The following FOCAD variants were observed in gnomAD, a reference collection of about 807,000 sequenced individuals.
FOCAD encodes the protein focadhesin.
A neutral mutation model predicts 225.6 loss-of-function variants in FOCAD; 198 were observed. That is an observed-to-expected ratio of 0.88 (90% CI 0.78 to 0.99). The LOEUF (loss-of-function observed/expected upper bound fraction) is 0.99. Among genes scored for constraint, FOCAD ranks in the 50% least tolerant of loss-of-function variants. FOCAD has a pLI of 0.00. For missense variants in FOCAD, 2,713 were observed against 2,123.6 expected (o/e 1.28, Z -5.46); for synonymous variants, 897 against 755.0 (o/e 1.19, Z -3.08).
chr9:20,759,444 A>G (rs1017117811), intron 6 of FOCAD, among the ~76,000 whole-genome samples: 8 of 152,216 alleles, frequency 5.3e-5, no homozygotes, highest in African/African-American at 1.7e-4. Flanking sequence ...CAAACCTGAG[A>G]AAAACAAGCA....
intron 1 of FOCAD, among the ~76,000 whole-genome samples, chr9:20,711,080 A>G (rs1307623842): frequency 6.6e-6 from 1 of 152,236 alleles, no homozygotes; most frequent in Non-Finnish European, 1.5e-5. Context: ...AAATAGTTAC[A>G]TGTGCCTCAG....
At chr9:20,835,258 C>G (rs936589948) in intron 15 of FOCAD, among the ~76,000 whole-genome samples, 1 of 151,950 alleles carries the variant, frequency 6.6e-6, no homozygotes, top group Non-Finnish European at 1.5e-5. Context: ...CTGTATTAAA[C>G]TTCATAATAA....
chr9:20,869,465 C>G (rs1358515004), intron 18 of FOCAD, among the ~76,000 whole-genome samples: 1 of 152,052 alleles, frequency 6.6e-6, no homozygotes, highest in African/African-American at 2.4e-5. Context: ...TGCTGAACAT[C>G]AATTTATGTT....
At chr9:20,743,549 C>G (rs556542692) in intron 5 of FOCAD, among the ~76,000 whole-genome samples, 31 of 152,144 alleles carry the variant, frequency 2.0e-4, no homozygotes, top group Admixed American at 1.8e-3. Flanking sequence ...TTCCCTTAGC[C>G]CCTCTGAATT....
chr9:20,979,457 G>C (rs1840495592), intron 37 of FOCAD, among the ~76,000 whole-genome samples: 1 of 152,174 alleles, frequency 6.6e-6, no homozygotes, highest in South Asian at 2.1e-4. Context: ...TCATGCCTCA[G>C]CCTCTCAAGT....
intron 8 of FOCAD, among the ~76,000 whole-genome samples, chr9:20,778,089 C>CAAAAAAAA (rs1184354592): frequency 0.011 from 915 of 84,158 alleles, 43 homozygotes; most frequent in Non-Finnish European, 0.018. Flanking sequence ...GACTCCGTCT[C>CAAAAAAAA]AAAAAAAAAA....
At chr9:20,960,861 G>T (rs1046113295) in intron 35 of FOCAD, among the ~76,000 whole-genome samples, 1 of 151,384 alleles carries the variant, frequency 6.6e-6, no homozygotes, top group African/African-American at 2.4e-5. Flanking sequence ...TTTTGTTCTC[G>T]TGATAGTTTG....
intron 21 of FOCAD, among the ~76,000 whole-genome samples, chr9:20,903,595 G>A (rs936106263): frequency 2.0e-5 from 3 of 151,912 alleles, no homozygotes; most frequent in Non-Finnish European, 2.9e-5. Flanking sequence ...CTGGGTCCCC[G>A]TTAATTCACT....
At chr9:20,673,299 G>C (rs1226198801) in intron 2 of FOCAD, among the ~76,000 whole-genome samples, 1 of 152,144 alleles carries the variant, frequency 6.6e-6, no homozygotes, top group Non-Finnish European at 1.5e-5. Context: ...GATTGGAATT[G>C]CTAGGTCATA....
intron 10 of FOCAD, among the ~76,000 whole-genome samples, chr9:20,788,348 G>C (rs1820157939): frequency 1.3e-5 from 2 of 152,050 alleles, no homozygotes; most frequent in South Asian, 2.1e-4. Context: ...ATTTTTGTTT[G>C]GGTTGATGAA....
At chr9:20,981,060 CT>C (rs2132624748) in intron 37 of FOCAD, among the ~76,000 whole-genome samples, 2 of 152,276 alleles carry the variant, frequency 1.3e-5, no homozygotes, top group South Asian at 4.1e-4. Flanking sequence ...CAGAGCTTTT[CT>C]TGCCAGAGAA....
rs180965131 is a variant in FOCAD at position 20,760,921 on chromosome 9, G to A, written c.494+2730G>A. ...TATGAGTAGCGATTCACAACTATGG[G>A]AAGAAAGCAAAATGTTGTAAGGATA... is the stretch of plus-strand genomic sequence containing the variant. On this transcript the variant is annotated intron_variant, in intron 6 of 43. Transcript: ENST00000338382. Among the ~76,000 whole-genome samples, 597 of 152,098 alleles carry A rather than the reference G, an allele frequency of 3.9e-3. 2 individuals carry two copies. Among genetic ancestry groups the A allele is most frequent in the African/African-American group, 0.014 (565 of 41,476 alleles).
chr9:20,943,533 CCTT>C (rs1490103442), intron 28 of FOCAD, among the ~76,000 whole-genome samples: 1 of 152,098 alleles, frequency 6.6e-6, no homozygotes, highest in Admixed American at 6.5e-5. Flanking sequence ...GCCTGTCTAT[CCTT>C]CTGGGTATCT....
At chr9:20,794,838 C>G (rs189512993) in intron 11 of FOCAD, among the ~76,000 whole-genome samples, 53 of 151,996 alleles carry the variant, frequency 3.5e-4, no homozygotes, top group African/African-American at 1.2e-3. Context: ...TCCCATTATT[C>G]TGTCTTTTGT....
chr9:20,756,574 G>A (rs1285655660), intron 5 of FOCAD, among the ~76,000 whole-genome samples: 1 of 152,178 alleles, frequency 6.6e-6, no homozygotes, highest in Non-Finnish European at 1.5e-5. Flanking sequence ...CTGGGCATTA[G>A]TATTAAGGGC....
intron 4 of FOCAD, among the ~76,000 whole-genome samples, chr9:20,738,877 T>C (rs746072966): frequency 6.6e-6 from 1 of 152,210 alleles, no homozygotes; most frequent in Admixed American, 6.5e-5. Context: ...ATATCAAAAA[T>C]ATTATTTCAA....
At chr9:20,834,426 T>G (rs1825800004) in intron 15 of FOCAD, among the ~76,000 whole-genome samples, 1 of 152,002 alleles carries the variant, frequency 6.6e-6, no homozygotes, top group African/African-American at 2.4e-5. Context: ...CTGTACATCC[T>G]ACACATGTAC....
upstream of FOCAD, among the ~76,000 whole-genome samples, chr9:20,683,065 C>A (rs1422104405): frequency 2.0e-5 from 3 of 152,030 alleles, no homozygotes; most frequent in Non-Finnish European, 4.4e-5. Flanking sequence ...CCACCTGGCC[C>A]CAAGATTAAT....
chr9:20,694,540 C>A (rs572166704), intron 1 of FOCAD: 3 of 152,234 alleles, frequency 2.0e-5, no homozygotes, highest in Admixed American at 2.0e-4. Flanking sequence ...AAATTTCCAT[C>A]CACACAGATT....
Sources: gnomAD v4.1 joint callset for allele counts (sites outside exome capture counted in the v4.1 genomes callset) on GRCh38, gnomAD v4.1.1 for gene constraint, MANE v1.5 for transcripts, NCBI Gene and HGNC (gene_info 2026-07-23, HGNC 2026-07-21) for gene names.